ZNF717: variants seen among roughly 807,000 people sequenced by gnomAD.
The protein encoded by ZNF717 is krueppel-like factor X17.
In ZNF717, 9 loss-of-function variants were observed where a neutral mutation model predicts 13.8. The ratio of observed to expected loss-of-function variants is 0.65; its 90% confidence interval spans 0.39 to 1.14. The LOEUF (loss-of-function observed/expected upper bound fraction) is 1.14. Among genes scored for constraint, ZNF717 ranks in the 50% most tolerant of loss-of-function variants. The probability of loss-of-function intolerance (pLI) is 0.01; values close to 1 mark genes in which losing one functional copy is unlikely to be tolerated. For missense variants in ZNF717, 1,040 were observed against 1,080.7 expected (o/e 0.96, Z 0.53); for synonymous variants, 327 against 364.1 (o/e 0.90, Z 1.16).
chr3:75,765,035 A>ATATATATATGTATGTGTG (rs1559662069), intron 2 of ZNF717, among the ~76,000 whole-genome samples: 1 of 81,796 alleles, frequency 1.2e-5, no homozygotes, highest in African/African-American at 4.1e-5. Context: ...ATATATGTAT[A>ATATATATATGTATGTGTG]TGTGTGTGTG....
chr3:75,737,702 G>A lies in ZNF717; in HGVS notation c.1921C>T (p.His641Tyr), dbSNP rs1164404597. ...KSNLSTHQGTHTGEKPYVCNE... is the reference protein window; with the variant it reads ...KSNLSTHQGTYTGEKPYVCNE... Reference sequence around the variant, plus strand: ...CATACGTAAGGTTTCTCTCCTGTGTGAGTTCCCTGATGGGTGCTGAGATTT... The same window carrying A: ...CATACGTAAGGTTTCTCTCCTGTGTAAGTTCCCTGATGGGTGCTGAGATTT... Residue 641 changes from histidine to tyrosine, a missense_variant, in exon 5 of 5, where the codon CAC becomes TAC. Physicochemically the swap from His to Tyr is moderately conservative, Grantham distance 83 (BLOSUM62 2). Transcript: ENST00000652011. The A allele has an allele frequency of 2.6e-6, 4 of 1,545,004 alleles. No individual in the cohort carries two copies. Among genetic ancestry groups the A allele is most frequent in the African/African-American group, 2.7e-5 (2 of 72,864 alleles).
chr3:75,708,132 G>C (rs1937842737), downstream of ZNF717, among the ~76,000 whole-genome samples: 1 of 152,264 alleles, frequency 6.6e-6, no homozygotes, highest in Non-Finnish European at 1.5e-5. Context: ...CTGGAGATCT[G>C]AGAACGGGCA....
chr3:75,705,264 G>A (rs1187576226), downstream of ZNF717, among the ~76,000 whole-genome samples: 2 of 152,338 alleles, frequency 1.3e-5, no homozygotes, highest in Admixed American at 6.5e-5. Context: ...CGTTCGATCT[G>A]ACTCCTATTT....
rs1203589877 is a variant in ZNF717, at chr3:75,738,931, T to G, written c.692A>C (p.His231Pro). Residue 231 changes from histidine to proline, a missense_variant, in exon 5 of 5, where the codon CAT becomes CCT. By Grantham distance (77) the His-to-Pro change is moderately conservative. Around this residue, in one of 3 missense-constraint regions of ZNF717, gnomAD observed 873 missense variants for 832.8 expected, o/e 1.05. Transcript: ENST00000652011. ...ATATTTACCAAAGGTCTGTACTATA[T>G]GAACCCTCTTATGTATAAAGAACAT... ...EAMFFIHKRV[H>P]IVQTFGKYNE... The G allele has an allele frequency of 1.3e-6, 2 of 1,551,566 alleles. No individual in the cohort carries two copies. Among genetic ancestry groups the G allele is most frequent in the Non-Finnish European group, 1.7e-6 (2 of 1,146,968 alleles).
intron 2 of ZNF717, among the ~76,000 whole-genome samples, chr3:75,777,621 C>CA (rs1559689360): frequency 6.8e-6 from 1 of 147,052 alleles, no homozygotes; most frequent in Non-Finnish European, 1.5e-5. Flanking sequence ...TTGCTAAAAC[C>CA]GGAACCCAAA....
At chr3:75,755,244 C>G (rs993276062) in intron 2 of ZNF717, among the ~76,000 whole-genome samples, 21 of 152,294 alleles carry the variant, frequency 1.4e-4, no homozygotes, top group African/African-American at 4.8e-4. Context: ...AAACCTGGAT[C>G]AACATTTTTT....
chr3:75,705,552 C>T (rs1183477995), downstream of ZNF717, among the ~76,000 whole-genome samples: 6 of 152,302 alleles, frequency 3.9e-5, no homozygotes, highest in African/African-American at 1.2e-4. Context: ...AGGTGTGCAA[C>T]GCGTTATTAA....
intron 6 of ZNF717, among the ~76,000 whole-genome samples, chr3:75,699,899 A>G (rs1434685295): frequency 6.6e-6 from 1 of 152,304 alleles, no homozygotes; most frequent in Non-Finnish European, 1.5e-5. Flanking sequence ...TATTTGCAGT[A>G]GCCACAAATG....
intron 6 of ZNF717, among the ~76,000 whole-genome samples, chr3:75,696,702 G>T (rs1937606532): frequency 6.6e-6 from 1 of 152,300 alleles, no homozygotes; most frequent in Non-Finnish European, 1.5e-5. Flanking sequence ...AAACCAGTAT[G>T]GCCAACATGG....
intron 5 of ZNF717, among the ~76,000 whole-genome samples, chr3:75,715,233 G>T (rs1938023411): frequency 1.3e-5 from 2 of 151,980 alleles, no homozygotes; most frequent in Non-Finnish European, 2.9e-5. Context: ...ATTTAAGCTG[G>T]GACTCAATAA....
chr3:75,714,729 A>G (rs1938012457), intron 5 of ZNF717, among the ~76,000 whole-genome samples: 1 of 152,198 alleles, frequency 6.6e-6, no homozygotes, highest in African/African-American at 2.4e-5. Flanking sequence ...TTCTATTTTT[A>G]TTTTACCACT....
downstream of ZNF717, among the ~76,000 whole-genome samples, chr3:75,733,778 C>CAAAAAAAAAAAAAAAAAA (rs56196464): frequency 7.5e-5 from 2 of 26,646 alleles, no homozygotes; most frequent in African/African-American, 3.5e-4. Flanking sequence ...GACTCTATCT[C>CAAAAAAAAAAAAAAAAAA]AAAAAAAAAA....
chr3:75,701,403 G>C, intron 6 of ZNF717, among the ~76,000 whole-genome samples: 1 of 152,310 alleles, frequency 6.6e-6, no homozygotes, highest in African/African-American at 2.4e-5. Context: ...AGGTGTGGTG[G>C]CTCACGCCTG....
chr3:75,695,510 A>C (rs1236635546), intron 6 of ZNF717, among the ~76,000 whole-genome samples: 1 of 152,416 alleles, frequency 6.6e-6, no homozygotes, highest in African/African-American at 2.4e-5. Flanking sequence ...AATTTCATCC[A>C]ACAGCTGCAG....
At chr3:75,716,170 G>A (rs1420366454) in intron 5 of ZNF717, among the ~76,000 whole-genome samples, 3 of 147,816 alleles carry the variant, frequency 2.0e-5, no homozygotes, top group Non-Finnish European at 3.0e-5. Flanking sequence ...TAATAGAGAC[G>A]AGGTTTCACC....
rs538874950 is a variant in ZNF717 at position 75,776,647 on chromosome 3, CAT to C, written c.57+6657_57+6658del. On this transcript the variant is annotated intron_variant, in intron 2 of 4. Coordinates refer to ENST00000652011, the MANE Select transcript of ZNF717 (RefSeq NM_001290208.3). ...ACTTTAAAACCATAAACTTTGGGTT[CAT>C]AGTCTCACAATTCAGAAGGGTCCCT... 3.6e-3 allele frequency among the ~76,000 whole-genome samples: 542 copies of C among 152,318 alleles called. 4 individuals are homozygous for C. Among genetic ancestry groups the C allele is most frequent in the Admixed American group, 0.026 (390 of 15,292 alleles).
chr3:75,697,786 T>C (rs1575757101), intron 6 of ZNF717, among the ~76,000 whole-genome samples: 1 of 152,312 alleles, frequency 6.6e-6, no homozygotes, highest in African/African-American at 2.4e-5. Flanking sequence ...TGTAATTGGG[T>C]AAATAGGCAG....
chr3:75,774,014 C>T (rs1944101857), intron 2 of ZNF717, among the ~76,000 whole-genome samples: 2 of 152,046 alleles, frequency 1.3e-5, no homozygotes, highest in South Asian at 4.1e-4. Context: ...CACACCATTG[C>T]ACTCCAGCCT....
intron 2 of ZNF717, among the ~76,000 whole-genome samples, chr3:75,748,282 C>T (rs1377632228): frequency 6.6e-6 from 1 of 152,136 alleles, no homozygotes; most frequent in Non-Finnish European, 1.5e-5. Flanking sequence ...TGGTACCATT[C>T]CTTCTGAAAC....
Sources: allele counts gnomAD v4.1 joint callset (sites outside exome capture counted in the v4.1 genomes callset), GRCh38; gene constraint gnomAD v4.1.1; regional missense constraint gnomAD v4.1.1; transcripts MANE v1.5; gene names NCBI Gene and HGNC (gene_info 2026-07-23, HGNC 2026-07-21).